The following ELF1 variants were observed in gnomAD, a reference collection of about 807,000 sequenced individuals.
The protein encoded by ELF1 is E74 like ETS transcription factor 1, also known as ETS-related transcription factor Elf-1.
ELF1 carries 24 observed loss-of-function variants against 59.9 expected under a neutral mutation model. The ratio of observed to expected loss-of-function variants is 0.40; its 90% CI spans 0.29 to 0.56. The LOEUF (loss-of-function observed/expected upper bound fraction) is 0.56. Ranked by LOEUF, ELF1 falls within the 20% of genes least tolerant of loss-of-function variation. ELF1 has a pLI of 0.44. For synonymous variants in ELF1, 248 were observed against 266.2 expected (o/e 0.93, Z 0.67); for missense variants, 627 against 742.2 (o/e 0.84, Z 1.80).
In ELF1 at chr13:41,019,216, G is replaced by GT. The variant is rs1478985554; in HGVS notation, c.-229+11dup. 1.0e-6 allele frequency: 1 copy of GT among 985,314 alleles called. No homozygotes were observed. The highest frequency in any genetic ancestry group is 1.2e-6 in the Non-Finnish European group (1 of 829,938). The allele number at this position is 985,314 out of a possible 1,614,324, so 61.0% of individuals were successfully genotyped here. ...AAGCCAGAAGCAAACATACAAAATTGTAACAAGTTACCTTCAAGTATTCTT... is the reference window on the plus strand; with the variant it reads ...AAGCCAGAAGCAAACATACAAAATTGTTAACAAGTTACCTTCAAGTATTCTT... On this transcript the variant is annotated intron_variant, in intron 1 of 8. Transcript: ENST00000239882.
intron 7 of ELF1, 89 bp downstream of exon 7, chr13:40,942,863 G>T: frequency 7.7e-7 from 1 of 1,304,126 alleles, no homozygotes. Context: ...TACCACTATT[G>T]GTGCTTTGCT....
At chr13:40,978,270 T>C (rs1028940727) in intron 2 of ELF1, among the ~76,000 whole-genome samples, 9 of 151,326 alleles carry the variant, frequency 5.9e-5, no homozygotes, top group African/African-American at 2.2e-4. Flanking sequence ...CCCAGCTACT[T>C]GGGAAGCTGA....
rs1015171884 is a variant in ELF1, at chr13:40,934,087, T to C, written c.1257-59A>G. 5 of 1,535,956 alleles carry C rather than the reference T, an allele frequency of 3.3e-6. No homozygotes were observed. The African/African-American group carries it at 5.5e-5, about 17-fold the overall frequency. ...AGCATATTCTACATCATTTAAAACTTTAACACTTGACAAGTCATTTTACAA... is the reference window on the plus strand; with the variant it reads ...AGCATATTCTACATCATTTAAAACTCTAACACTTGACAAGTCATTTTACAA... On this transcript the variant is annotated intron_variant, in intron 8 of 8. Coordinates refer to ENST00000239882, the MANE Select transcript of ELF1 (RefSeq NM_172373.4).
At chr13:40,959,649 C>T (rs577821283) in intron 2 of ELF1, among the ~76,000 whole-genome samples, 2 of 152,086 alleles carry the variant, frequency 1.3e-5, no homozygotes, top group Non-Finnish European at 2.9e-5. Flanking sequence ...ATTACACTGT[C>T]GCTTGGCACA....
At chr13:41,015,591 G>A (rs1875312357) in intron 1 of ELF1, among the ~76,000 whole-genome samples, 1 of 152,260 alleles carries the variant, frequency 6.6e-6, no homozygotes, top group Admixed American at 6.5e-5. Flanking sequence ...AGGGTACACA[G>A]TAAAAAATGC....
intron 5 of ELF1, among the ~76,000 whole-genome samples, chr13:40,944,584 A>G (rs1237694922): frequency 6.6e-6 from 1 of 152,188 alleles, no homozygotes; most frequent in African/African-American, 2.4e-5. Flanking sequence ...AAATAAGTCC[A>G]TCCCAATAGC....
Position 41,060,914 on chromosome 13 carries a change from T to TGCTGCC in ELF1, c.-306_-305insGGCAGC, listed in dbSNP as rs878930377. 9.5e-3 allele frequency: 3,269 copies of TGCTGCC among 344,760 alleles called. 553 individuals are homozygous for TGCTGCC. The East Asian group carries it at 0.14, about 15-fold the overall frequency. The allele number at this position is 344,760 out of a possible 1,614,324, so 21.4% of individuals were successfully genotyped here. ...GCCTCTGCGCTACTGAAGCTGCTGC[T>TGCTGCC]GCCGCCGCCGCCGCCGCCGCCGCCG... On this transcript the variant is annotated 5_prime_UTR_variant, in exon 1 of 2. Transcript: ENST00000405737.
At chr13:41,041,260 C>CAAA (rs11326566) in intron 1 of ELF1, among the ~76,000 whole-genome samples, 56 of 115,248 alleles carry the variant, frequency 4.9e-4, no homozygotes, top group African/African-American at 1.3e-3. Flanking sequence ...CTGGTTTCAT[C>CAAA]AAAAAAAAAA....
chr13:40,983,099 TAAAAA>T (rs1187723198), intron 1 of ELF1, among the ~76,000 whole-genome samples: 1 of 151,552 alleles, frequency 6.6e-6, no homozygotes, highest in African/African-American at 2.4e-5. Flanking sequence ...TTTGCCTATT[TAAAAA>T]AAAAGTTATC....
chr13:41,030,762 G>A (rs775256449), intron 1 of ELF1, among the ~76,000 whole-genome samples: 1 of 149,708 alleles, frequency 6.7e-6, no homozygotes, highest in South Asian at 2.2e-4. Context: ...CACATAAAAA[G>A]AAAGTAATTT....
upstream of ELF1, among the ~76,000 whole-genome samples, chr13:41,022,093 A>G (rs1221943842): frequency 6.6e-6 from 1 of 152,242 alleles, no homozygotes; most frequent in African/African-American, 2.4e-5. Flanking sequence ...CTATTTTAAA[A>G]CTTCTATGCA....
chr13:40,988,370 T>G (rs1330480023), intron 1 of ELF1, among the ~76,000 whole-genome samples: 2 of 152,248 alleles, frequency 1.3e-5, no homozygotes, highest in Non-Finnish European at 2.9e-5. Context: ...GATTTCCTAC[T>G]GGTACCTTTA....
rs756590327 is a variant in ELF1, at chr13:40,958,868, A to C, written c.221T>G (p.Ile74Arg). 6.2e-7 allele frequency: 1 copy of C among 1,613,428 alleles called. No homozygotes were observed. Among genetic ancestry groups the C allele is most frequent in the South Asian group, 1.1e-5 (1 of 91,006 alleles). The change falls in exon 3 of 9, where the codon ATA becomes AGA. Residue 74 changes from isoleucine to arginine, a missense_variant. Physicochemically the swap from Ile to Arg is moderately conservative, Grantham distance 97. This residue lies in a region of ELF1 where 232 missense variants were observed against 269.2 expected (regional missense o/e 0.86). Coordinates refer to ENST00000239882, the MANE Select transcript of ELF1 (RefSeq NM_172373.4). ...GGTGATGTCATCATCATCATCGTCT[A>C]TGATTTCTTCTTCAGCAACATCCAG... ...SSLDVAEEEI[I>R]DDDDDDITLT...
rs556021913 is a variant in ELF1, at chr13:40,941,453, A to C, written c.807-83T>G. The C allele has an allele frequency of 2.8e-3, 3,647 of 1,321,124 alleles. 11 individuals carry two copies. The highest frequency in any genetic ancestry group is 3.0e-3 in the Non-Finnish European group (2,936 of 969,074). 81.8% of individuals were successfully genotyped at this position (1,321,124 alleles called of 1,614,324 possible). A position where few individuals can be genotyped will look rare whatever the true frequency, so the allele number is the denominator to read the frequency against. On this transcript the variant is annotated intron_variant, in intron 7 of 8. Transcript: ENST00000239882. ...AATCAAATTTCCCTAATCATAAACA[A>C]AACTTTAAAGTTGGAATCAAACTAA...
chr13:41,006,475 T>C (rs1874765395), intron 1 of ELF1, among the ~76,000 whole-genome samples: 1 of 152,150 alleles, frequency 6.6e-6, no homozygotes, highest in South Asian at 2.1e-4. Flanking sequence ...TTGGGGAGTC[T>C]CAGAGCAGCT....
chr13:40,963,245 T>C (rs1175527448), intron 2 of ELF1, among the ~76,000 whole-genome samples: 1 of 152,188 alleles, frequency 6.6e-6, no homozygotes, highest in East Asian at 1.9e-4. Context: ...TTAAACATAG[T>C]AGATTTGTTC....
intron 8 of ELF1, among the ~76,000 whole-genome samples, chr13:40,939,383 G>A (rs550695571): frequency 5.6e-4 from 85 of 152,204 alleles, no homozygotes; most frequent in African/African-American, 2.0e-3. Flanking sequence ...CAAAGCTAGA[G>A]TTTTTTGTTT....
chr13:41,017,778 C>T (rs1875494211), intron 1 of ELF1, among the ~76,000 whole-genome samples: 1 of 151,612 alleles, frequency 6.6e-6, no homozygotes, highest in Non-Finnish European at 1.5e-5. Context: ...TCTTATGGAT[C>T]ACCACCTTAA....
At chr13:40,954,356 T>G (rs73176910) in intron 3 of ELF1, among the ~76,000 whole-genome samples, 276 of 152,204 alleles carry the variant, frequency 1.8e-3, no homozygotes, top group Non-Finnish European at 3.2e-3. Context: ...AGATGGATTT[T>G]CCCCTTACTG....
Sources: allele counts gnomAD v4.1 joint callset (sites outside exome capture counted in the v4.1 genomes callset), GRCh38; gene constraint gnomAD v4.1.1; regional missense constraint gnomAD v4.1.1; transcripts MANE v1.5; gene names NCBI Gene and HGNC (gene_info 2026-07-23, HGNC 2026-07-21).